Variants in FABP12 observed in about 807,000 individuals in gnomAD.
The protein encoded by FABP12 is fatty acid-binding protein 12.
In FABP12, 19 loss-of-function variants were observed where a neutral mutation model predicts 13.7. The observed-to-expected ratio is 1.39, with a 90% CI of 0.97 to 2.04. The LOEUF is 2.04. Among genes scored for constraint, FABP12 ranks in the 30% most tolerant of loss-of-function variants. FABP12 has a pLI of 0.00. For missense variants in FABP12, 182 were observed against 164.2 expected, an observed-to-expected ratio of 1.11 and a Z score of -0.59; for synonymous variants, 61 against 57.0, an observed-to-expected ratio of 1.07 and a Z score of -0.32.
intron 4 of FABP12, 109 bp from the exon 5 acceptor site, chr8:81,525,229 A>C (rs369327084): frequency 7.9e-6 from 6 of 755,410 alleles, no homozygotes; most frequent in African/African-American, 7.2e-5. Flanking sequence ...AAATATTGAA[A>C]GAGAGGCCGG....
chr8:81,555,731 G>A (rs868333607), intron 1 of FABP12, among the ~76,000 whole-genome samples: 4 of 152,100 alleles, frequency 2.6e-5, no homozygotes, highest in South Asian at 4.2e-4. Flanking sequence ...ACTCCAGCTT[G>A]GAATACATTT....
At chr8:81,551,501 T>A (rs1285226899) in intron 1 of FABP12, among the ~76,000 whole-genome samples, 1 of 152,176 alleles carries the variant, frequency 6.6e-6, no homozygotes, top group Admixed American at 6.5e-5. Flanking sequence ...GGTGAAATAC[T>A]CGTTTTATAA....
chr8:81,546,220 A>G (rs1809432248), intron 1 of FABP12, among the ~76,000 whole-genome samples: 1 of 152,206 alleles, frequency 6.6e-6, no homozygotes. Flanking sequence ...TTGCCAATCA[A>G]TTTCAGAAAA....
intron 1 of FABP12, among the ~76,000 whole-genome samples, chr8:81,564,451 A>C (rs1809781364): frequency 6.6e-6 from 1 of 152,140 alleles, no homozygotes; most frequent in African/African-American, 2.4e-5. Context: ...AAACTGAAAG[A>C]TAAACCAACA....
At chr8:81,572,378 C>T (rs992627617) in intron 1 of FABP12, among the ~76,000 whole-genome samples, 9 of 152,116 alleles carry the variant, frequency 5.9e-5, no homozygotes, top group Non-Finnish European at 1.2e-4. Context: ...TGGGTTTGTT[C>T]ACGATTTTGC....
At chr8:81,541,172 A>G (rs944021729) in intron 1 of FABP12, among the ~76,000 whole-genome samples, 2 of 151,918 alleles carry the variant, frequency 1.3e-5, no homozygotes, top group Non-Finnish European at 2.9e-5. Context: ...TCTCAAAAAA[A>G]AAAAAAAAAA....
chr8:81,585,887 T>C (rs1810231170), intron 1 of FABP12, among the ~76,000 whole-genome samples: 1 of 152,218 alleles, frequency 6.6e-6, no homozygotes, highest in Non-Finnish European at 1.5e-5. Context: ...GCAGGTTTGT[T>C]ACGTGGGTAA....
intron 1 of FABP12, among the ~76,000 whole-genome samples, chr8:81,575,868 C>T (rs1243624891): frequency 6.6e-6 from 1 of 152,166 alleles, no homozygotes; most frequent in East Asian, 1.9e-4. Flanking sequence ...ATCTAGGCTG[C>T]ATGCTCCTTA....
intron 1 of FABP12, among the ~76,000 whole-genome samples, chr8:81,541,395 T>G (rs1157109027): frequency 6.6e-6 from 1 of 152,158 alleles, no homozygotes; most frequent in Non-Finnish European, 1.5e-5. Flanking sequence ...GCCTGGGAAT[T>G]AACATTAGCT....
intron 1 of FABP12, among the ~76,000 whole-genome samples, chr8:81,577,311 CA>C (rs1810065707): frequency 2.0e-5 from 3 of 151,952 alleles, no homozygotes; most frequent in African/African-American, 7.3e-5. Flanking sequence ...GATATGAAAG[CA>C]AAAAGATATT....
In FABP12 at chr8:81,566,819, C is replaced by A. The variant is rs372843192; in HGVS notation, c.-185+23234G>T. The stretch of plus-strand genomic sequence containing the variant: ...GGAAGTCCTAGCTAGAGCAATCAGA[C>A]GGGAGAAAGAAATAAAGGCATACAA... On this transcript the variant is annotated intron_variant, in intron 1 of 5. Coordinates refer to the FABP12 transcript ENST00000692030. Among the ~76,000 whole-genome samples, 3 of 151,950 alleles carry A rather than the reference C, an allele frequency of 2.0e-5. No homozygotes were observed. In the East Asian group the frequency reaches 5.8e-4, roughly 29 times the overall value.
intron 1 of FABP12, among the ~76,000 whole-genome samples, chr8:81,577,216 C>T (rs966872650): frequency 2.0e-5 from 3 of 152,162 alleles, no homozygotes; most frequent in Non-Finnish European, 4.4e-5. Context: ...ACCTGTGGCA[C>T]ACAGCACACC....
chr8:81,575,377 T>C (rs556437926), intron 1 of FABP12, among the ~76,000 whole-genome samples: 2 of 152,340 alleles, frequency 1.3e-5, no homozygotes, highest in Admixed American at 6.5e-5. Context: ...GCCTATCATA[T>C]GGTCTTTCTT....
At chr8:81,544,494 C>T (rs75254456) in intron 1 of FABP12, among the ~76,000 whole-genome samples, 3,550 of 152,174 alleles carry the variant, frequency 0.023, 129 homozygotes, top group African/African-American at 0.08. Flanking sequence ...TAAATCACAC[C>T]CCTAGGTTTC....
chr8:81,570,282 C>A (rs945470264), intron 1 of FABP12, among the ~76,000 whole-genome samples: 1 of 152,208 alleles, frequency 6.6e-6, no homozygotes, highest in African/African-American at 2.4e-5. Context: ...TCTCTTTGCT[C>A]ACAACATGGC....
chr8:81,560,409 A>G (rs758461284), intron 1 of FABP12, among the ~76,000 whole-genome samples: 10 of 152,246 alleles, frequency 6.6e-5, no homozygotes, highest in Non-Finnish European at 7.3e-5. Flanking sequence ...TCTTTAAATT[A>G]TAGTCAAGGC....
intron 1 of FABP12, among the ~76,000 whole-genome samples, chr8:81,573,949 T>C (rs1231046227): frequency 6.6e-6 from 1 of 152,182 alleles, no homozygotes; most frequent in African/African-American, 2.4e-5. Flanking sequence ...CTTATTTCTT[T>C]CTCTTATCTG....
intron 1 of FABP12, among the ~76,000 whole-genome samples, chr8:81,582,118 A>AT (rs34960860): frequency 0.076 from 7,356 of 96,592 alleles, 768 homozygotes; most frequent in East Asian, 0.15. Context: ...GCTAACTGGA[A>AT]TTTTTTTTTT....
chr8:81,555,624 T>C (rs1003424790), intron 1 of FABP12, among the ~76,000 whole-genome samples: 2 of 152,178 alleles, frequency 1.3e-5, no homozygotes, highest in Non-Finnish European at 2.9e-5. Flanking sequence ...TGTTAGAAAA[T>C]GTATCGCAAT....
Sources: allele counts gnomAD v4.1 joint callset (sites outside exome capture counted in the v4.1 genomes callset), GRCh38; gene constraint gnomAD v4.1.1; transcripts MANE v1.5; gene names NCBI Gene and HGNC (gene_info 2026-07-23, HGNC 2026-07-21).